Variants in EYS observed in about 807,000 individuals in gnomAD.
The protein encoded by EYS is EGF-like photoreceptor maintenance factor.
Under a neutral mutation model 282.1 loss-of-function variants are expected in EYS, and 250 were observed. The observed-to-expected ratio is 0.89, with a 90% confidence interval of 0.80 to 0.98. EYS has a LOEUF of 0.98. Ranked by LOEUF, EYS falls within the 50% of genes least tolerant of loss-of-function variation. The pLI is 0.00. For synonymous variants in EYS, 1,355 were observed against 1,282.9 expected (o/e 1.06, Z -1.20); for missense variants, 4,016 against 3,709.0 (o/e 1.08, Z -2.15).
At chr6:64,031,060 C>T (rs1228037926) in intron 33 of EYS, among the ~76,000 whole-genome samples, 1 of 152,222 alleles carries the variant, frequency 6.6e-6, no homozygotes, top group African/African-American at 2.4e-5. Context: ...ACTTTGGCAG[C>T]ACATGGGGAG....
intron 33 of EYS, among the ~76,000 whole-genome samples, chr6:64,064,534 A>T (rs1377403750): frequency 6.6e-6 from 1 of 152,160 alleles, no homozygotes; most frequent in Non-Finnish European, 1.5e-5. Flanking sequence ...ATTCATAGGG[A>T]TATCTCCTTT....
intron 4 of EYS, among the ~76,000 whole-genome samples, chr6:65,493,212 C>T (rs958732227): frequency 3.3e-5 from 5 of 152,202 alleles, no homozygotes; most frequent in East Asian, 1.9e-4. Context: ...GCCTCCAAGT[C>T]GGCTCCCATT....
intron 5 of EYS, among the ~76,000 whole-genome samples, chr6:65,477,107 GATACAATA>G (rs1324138074): frequency 6.6e-6 from 1 of 152,034 alleles, no homozygotes; most frequent in African/African-American, 2.4e-5. Flanking sequence ...TCACAGACAA[GATACAATA>G]ATAAGGTTAC....
intron 33 of EYS, among the ~76,000 whole-genome samples, chr6:64,016,511 A>T (rs1191968249): frequency 1.4e-5 from 2 of 143,750 alleles, no homozygotes; most frequent in African/African-American, 2.6e-5. Flanking sequence ...TTTTTTTGAG[A>T]CAGGGTCTTG....
At chr6:64,788,932 C>T (rs1436919349) in intron 22 of EYS, among the ~76,000 whole-genome samples, 2 of 152,144 alleles carry the variant, frequency 1.3e-5, no homozygotes, top group African/African-American at 2.4e-5. Flanking sequence ...TAATCTGCTA[C>T]TTGTAACCCA....
intron 12 of EYS, among the ~76,000 whole-genome samples, chr6:65,278,951 G>A (rs1768142293): frequency 6.6e-6 from 1 of 152,070 alleles, no homozygotes; most frequent in Non-Finnish European, 1.5e-5. Flanking sequence ...CACTTTGGGA[G>A]GCCAAGGTGG....
chr6:63,961,222 A>G (rs527528657), intron 35 of EYS, among the ~76,000 whole-genome samples: 1 of 152,356 alleles, frequency 6.6e-6, no homozygotes, highest in Admixed American at 6.5e-5. Flanking sequence ...AAGCTAAGCC[A>G]TCATATCCCC....
intron 12 of EYS, among the ~76,000 whole-genome samples, chr6:65,180,933 C>T (rs1182804721): frequency 5.3e-5 from 8 of 151,986 alleles, no homozygotes; most frequent in Non-Finnish European, 7.4e-5. Flanking sequence ...CTTTGACAAA[C>T]CTGAGAAAAA....
intron 22 of EYS, among the ~76,000 whole-genome samples, chr6:64,713,892 T>A (rs1037956460): frequency 1.3e-5 from 2 of 152,218 alleles, no homozygotes; most frequent in Non-Finnish European, 2.9e-5. Context: ...ACGAATAACC[T>A]TGGGAAAATG....
At chr6:64,246,921 T>G (rs1767041753) in intron 30 of EYS, among the ~76,000 whole-genome samples, 1 of 152,180 alleles carries the variant, frequency 6.6e-6, no homozygotes, top group Non-Finnish European at 1.5e-5. Context: ...AAAAACTTTA[T>G]TTTTGACTAA....
chr6:63,956,305 T>G (rs1013241244), intron 35 of EYS, among the ~76,000 whole-genome samples: 8 of 152,064 alleles, frequency 5.3e-5, no homozygotes, highest in African/African-American at 1.9e-4. Flanking sequence ...CAGAAGCTCC[T>G]CCACTGAGCA....
At chr6:65,228,380 A>T in intron 12 of EYS, among the ~76,000 whole-genome samples, 1 of 152,246 alleles carries the variant, frequency 6.6e-6, no homozygotes, top group South Asian at 2.1e-4. Context: ...AACATTAAAT[A>T]TATAGTAAAT....
chr6:65,441,577 A>G (rs1768330439), intron 5 of EYS, among the ~76,000 whole-genome samples: 2 of 151,824 alleles, frequency 1.3e-5, no homozygotes, highest in Non-Finnish European at 2.9e-5. Flanking sequence ...CTGTGCATCA[A>G]AAAGATTATG....
In EYS at chr6:64,639,082, C is replaced by T. The variant is rs572195165; in HGVS notation, c.3444-12837G>A. ...ATGACAGGATTGGTATCCTCTGAAGCCGTCTCCTTGACTTGTGAGAGACTG... is the reference window on the plus strand; with the variant it reads ...ATGACAGGATTGGTATCCTCTGAAGTCGTCTCCTTGACTTGTGAGAGACTG... On this transcript the variant is annotated intron_variant, in intron 22 of 42. Coordinates refer to ENST00000503581, the MANE Select transcript of EYS (RefSeq NM_001142800.2). Among the ~76,000 whole-genome samples the T allele has an allele frequency of 3.0e-4, 27 of 89,600 alleles. 6 individuals carry two copies. In the East Asian group the frequency reaches 4.7e-3, roughly 16 times the overall value. 58.8% of individuals were successfully genotyped at this position (89,600 alleles called of 152,430 possible).
Position 63,789,204 on chromosome 6 carries a change from G to C in EYS, c.7432C>G (p.Leu2478Val). ...CTGCCATTGAGCAGGCCCACAGCCA[G>C]GAAGTCATCGCCATTCAACCCTGGA... Reference protein sequence around the residue: ...KGHGLNGDDFLAVGLLNGSVV... With the variant: ...KGHGLNGDDFVAVGLLNGSVV... Residue 2478 changes from leucine to valine, a missense_variant, in exon 38 of 43, where the codon CTG (leucine) becomes GTG (valine). Coordinates refer to ENST00000503581, the MANE Select transcript of EYS (RefSeq NM_001142800.2). 6.4e-7 allele frequency: 1 copy of C among 1,551,830 alleles called. No individual in the cohort carries two copies.
chr6:65,669,296 G>C (rs890732549), intron 1 of EYS, among the ~76,000 whole-genome samples: 5 of 151,822 alleles, frequency 3.3e-5, no homozygotes, highest in African/African-American at 1.2e-4. Context: ...ATGCTAAAAG[G>C]AATCTGACTT....
At chr6:65,141,425 T>C (rs1764337341) in intron 12 of EYS, among the ~76,000 whole-genome samples, 1 of 151,920 alleles carries the variant, frequency 6.6e-6, no homozygotes, top group Non-Finnish European at 1.5e-5. Flanking sequence ...CACACCAGCG[T>C]GGCACATGTA....
At chr6:65,143,752 G>A (rs936919375) in intron 12 of EYS, among the ~76,000 whole-genome samples, 2 of 151,962 alleles carry the variant, frequency 1.3e-5, no homozygotes, top group African/African-American at 4.8e-5. Flanking sequence ...ATCTACCACA[G>A]TATTTCCTTT....
chr6:63,752,553 C>A (rs1262565120), intron 41 of EYS, among the ~76,000 whole-genome samples: 2 of 143,758 alleles, frequency 1.4e-5, no homozygotes, highest in Non-Finnish European at 3.0e-5. Flanking sequence ...AGTGCAGTGG[C>A]GCAATCTCGG....
Sources: gnomAD v4.1 joint callset for allele counts (sites outside exome capture counted in the v4.1 genomes callset) on GRCh38, gnomAD v4.1.1 for gene constraint, MANE v1.5 for transcripts, NCBI Gene and HGNC (gene_info 2026-07-23, HGNC 2026-07-21) for gene names.